Variants in SYNGR1 observed in about 807,000 individuals in gnomAD.
SYNGR1 encodes the protein synaptogyrin 1.
Under a neutral mutation model 26.1 loss-of-function variants are expected in SYNGR1, and 14 were observed. The observed-to-expected ratio is 0.54, with a 90% CI of 0.35 to 0.84. SYNGR1 has a LOEUF of 0.84. SYNGR1 is among the 40% of genes least tolerant of loss of function. The probability of loss-of-function intolerance (pLI) is 0.01; values close to 1 mark genes in which losing one functional copy is unlikely to be tolerated. For synonymous variants in SYNGR1, 141 were observed against 150.1 expected, an observed-to-expected ratio of 0.94 and a Z score of 0.44; for missense variants, 319 against 332.9, an observed-to-expected ratio of 0.96 and a Z score of 0.33.
At chr22:39,361,002 G>A (rs1048660976) in intron 1 of SYNGR1, among the ~76,000 whole-genome samples, 2 of 152,172 alleles carry the variant, frequency 1.3e-5, no homozygotes, top group African/African-American at 2.4e-5. Flanking sequence ...TGCACTGATC[G>A]GTCGTCCTTC....
At chr22:39,352,758 A>G (rs1210359102) in intron 1 of SYNGR1, among the ~76,000 whole-genome samples, 1 of 152,176 alleles carries the variant, frequency 6.6e-6, no homozygotes, top group Non-Finnish European at 1.5e-5. Context: ...CTTAGTCCAG[A>G]CAAACAGGGA....
intron 1 of SYNGR1, among the ~76,000 whole-genome samples, chr22:39,354,516 C>T (rs1312849242): frequency 6.6e-6 from 1 of 152,106 alleles, no homozygotes; most frequent in Non-Finnish European, 1.5e-5. Flanking sequence ...CCACTCCACC[C>T]CCCATCATCC....
intron 3 of SYNGR1, chr22:39,378,068 C>T: frequency 7.6e-6 from 9 of 1,184,372 alleles, no homozygotes; most frequent in South Asian, 1.6e-5. Flanking sequence ...TGCCTAGAGG[C>T]GTTCATGGTC....
chr22:39,359,588 G>A (rs545511298), intron 1 of SYNGR1, among the ~76,000 whole-genome samples: 7 of 139,532 alleles, frequency 5.0e-5, no homozygotes, highest in Non-Finnish European at 3.0e-5. Flanking sequence ...CCAAGATCGC[G>A]CCACCGCACT....
chr22:39,376,473 C>G (rs369714263), intron 3 of SYNGR1, among the ~76,000 whole-genome samples: 1 of 145,422 alleles, frequency 6.9e-6, no homozygotes, highest in Admixed American at 6.9e-5. Flanking sequence ...ACCCCCCCCC[C>G]AAACCACTCT....
At chr22:39,353,072 G>C (rs999101531) in intron 1 of SYNGR1, among the ~76,000 whole-genome samples, 1 of 152,290 alleles carries the variant, frequency 6.6e-6, no homozygotes, top group Middle Eastern at 3.4e-3. Context: ...ATGTTAGCCA[G>C]GCTGGTCTCG....
At chr22:39,377,606 C>T (rs777160025) in intron 3 of SYNGR1, 74 of 1,613,770 alleles carry the variant, frequency 4.6e-5, no homozygotes, top group Non-Finnish European at 5.9e-5. Flanking sequence ...AGAGCCTGAC[C>T]GCAGCCCTGG....
At position 39,382,027 on chromosome 22, in the gene SYNGR1, C is replaced by A; in HGVS notation, c.*113C>A. 1.6e-6 allele frequency: 2 copies of A among 1,216,852 alleles called. No individual in the cohort carries two copies. The highest frequency in any genetic ancestry group is 1.5e-5 in the African/African-American group (1 of 67,080). The allele number at this position is 1,216,852 out of a possible 1,614,324, so 75.4% of individuals were successfully genotyped here. ...GCGCCTCATCAGCCTCTGCCTTGTC[C>A]CACTGAGGTCCAGGGTAGCTCGGGG... On this transcript the variant is annotated 3_prime_UTR_variant, in exon 4 of 4. Transcript: ENST00000328933.
chr22:39,368,931 G>C (rs1451694537), intron 1 of SYNGR1, among the ~76,000 whole-genome samples: 1 of 152,218 alleles, frequency 6.6e-6, no homozygotes, highest in Non-Finnish European at 1.5e-5. Context: ...CCAAAGCTCT[G>C]CTCTGGGTAC....
At chr22:39,378,197 G>A in intron 3 of SYNGR1, 1 of 1,101,604 alleles carries the variant, frequency 9.1e-7, no homozygotes, top group Non-Finnish European at 1.1e-6. Flanking sequence ...CTCCTGGTCT[G>A]GCTCTGTCCT....
chr22:39,384,374 C>T lies in SYNGR1; in HGVS notation c.*2460C>T, dbSNP rs1925592706. The T allele has an allele frequency of 2.5e-6, 1 of 397,478 alleles. No homozygotes were observed. The highest frequency in any genetic ancestry group is 3.5e-5 in the East Asian group (1 of 28,196). 24.6% of individuals were successfully genotyped at this position (397,478 alleles called of 1,614,324 possible). A position where few individuals can be genotyped will look rare whatever the true frequency, so the allele number is the denominator to read the frequency against. ...GCAGGGAAAGCTGTCAAGACTCCTG[C>T]CAGGAATGGGGGGTGCTGAGTCATC... On this transcript the variant is annotated 3_prime_UTR_variant, in exon 4 of 4. Transcript: ENST00000328933.
At chr22:39,367,379 G>A (rs1285301894) in intron 1 of SYNGR1, among the ~76,000 whole-genome samples, 1 of 152,196 alleles carries the variant, frequency 6.6e-6, no homozygotes, top group African/African-American at 2.4e-5. Flanking sequence ...AGGCGGTAGG[G>A]ACAGTCAGTC....
At chr22:39,366,737 G>T (rs1312678858) in intron 1 of SYNGR1, among the ~76,000 whole-genome samples, 1 of 152,242 alleles carries the variant, frequency 6.6e-6, no homozygotes, top group Admixed American at 6.5e-5. Flanking sequence ...GGGTGCTGTC[G>T]TAGCTCCTGT....
chr22:39,374,453 C>T lies in SYNGR1; in HGVS notation c.237C>T (p.Phe79=). 1 of 1,613,998 alleles carries T rather than the reference C, an allele frequency of 6.2e-7. No homozygotes were observed. The highest frequency in any genetic ancestry group is 2.2e-5 in the East Asian group (1 of 44,888). Reference sequence around the variant, plus strand: ...GCGTGGCCGTGGGCGTGCTCGCCTTCCTCACCTGCCTGCTGTACCTGGCCC... The same window carrying T: ...GCGTGGCCGTGGGCGTGCTCGCCTTTCTCACCTGCCTGCTGTACCTGGCCC... The part of the protein sequence containing the change: ...SYGVAVGVLA[F]LTCLLYLALD... The change falls in exon 2 of 4, where the codon TTC becomes TTT. Residue 79 remains phenylalanine (F), a synonymous_variant. Transcript: ENST00000328933.
intron 3 of SYNGR1, chr22:39,377,028 C>T (rs1389016208): frequency 1.3e-6 from 2 of 1,551,002 alleles, no homozygotes; most frequent in East Asian, 4.9e-5. Flanking sequence ...TCTGGGGCCA[C>T]ATCACCTCCA....
At position 39,374,252 on chromosome 22, in the gene SYNGR1, C is replaced by T. The variant is rs74589943; in HGVS notation, c.100-64C>T. 34 of 1,523,390 alleles carry T rather than the reference C, an allele frequency of 2.2e-5. No homozygotes were observed. In the East Asian group the frequency reaches 3.2e-4, roughly 14 times the overall value. The allele number at this position is 1,523,390 out of a possible 1,614,324, so 94.4% of individuals were successfully genotyped here. A position where few individuals can be genotyped will look rare whatever the true frequency, so the allele number is the denominator to read the frequency against. On this transcript the variant is annotated intron_variant, in intron 1 of 3. Transcript: ENST00000328933. ...CAGCAGGCGAGGGTGGCAGCCTCCC[C>T]GTCCCCTGGGTGGTGTGAGGCAGGG...
At chr22:39,374,575 C>T (rs1239289739) in intron 2 of SYNGR1, 22 bp downstream of exon 2, 1 of 1,610,550 alleles carries the variant, frequency 6.2e-7, no homozygotes, top group Admixed American at 1.7e-5. Context: ...CCAGCAGGTA[C>T]CCCCTGCACA....
rs570888786 is a variant in SYNGR1, at chr22:39,379,444, G to A, written c.484-2252G>A. Among the ~76,000 whole-genome samples, 3 of 152,314 alleles carry A rather than the reference G, an allele frequency of 2.0e-5. No homozygotes were observed. The South Asian group carries it at 6.2e-4, about 32-fold the overall frequency. On this transcript the variant is annotated intron_variant, in intron 3 of 3. Transcript: ENST00000328933. ...AGGTCAGGAGTTTGAGACCAGCCTGGCCAACATGGCAAAACCCCGTCTCTA... is the reference window on the plus strand; with the variant it reads ...AGGTCAGGAGTTTGAGACCAGCCTGACCAACATGGCAAAACCCCGTCTCTA...
intron 1 of SYNGR1, among the ~76,000 whole-genome samples, chr22:39,359,499 C>T (rs1014254745): frequency 1.3e-5 from 2 of 151,478 alleles, no homozygotes; most frequent in Admixed American, 1.3e-4. Context: ...GGTGTGGTGG[C>T]GGGGGCCTGT....
Sources: gnomAD v4.1 joint callset for allele counts (sites outside exome capture counted in the v4.1 genomes callset) on GRCh38, gnomAD v4.1.1 for gene constraint, MANE v1.5 for transcripts, NCBI Gene and HGNC (gene_info 2026-07-23, HGNC 2026-07-21) for gene names.